The following GTF2A2 variants were observed in gnomAD, a reference collection of about 807,000 sequenced individuals.
GTF2A2 encodes the protein transcription initiation factor IIA subunit 2.
In GTF2A2, 9 loss-of-function variants were observed where a neutral mutation model predicts 14.3. The observed-to-expected ratio is 0.63, with a 90% CI of 0.38 to 1.10. GTF2A2 has a LOEUF of 1.10. Ranked by LOEUF, GTF2A2 falls within the 50% of genes least tolerant of loss-of-function variation. The pLI is 0.01. For synonymous variants in GTF2A2, 56 were observed against 46.0 expected (o/e 1.22, Z -0.88); for missense variants, 90 against 124.6 (o/e 0.72, Z 1.32).
chr15:59,641,909 A>G (rs896370876), intron 4 of GTF2A2, among the ~76,000 whole-genome samples: 1 of 152,242 alleles, frequency 6.6e-6, no homozygotes, highest in Admixed American at 6.5e-5. Flanking sequence ...TATTTTACCC[A>G]CACAAATCCA....
At chr15:59,653,535 G>A (rs1201781953) in intron 1 of GTF2A2, among the ~76,000 whole-genome samples, 1 of 152,012 alleles carries the variant, frequency 6.6e-6, no homozygotes, top group Non-Finnish European at 1.5e-5. Flanking sequence ...TCTTTTGCTG[G>A]TTCCTCCTCA....
rs542821289 is a variant in GTF2A2 at position 59,652,118 on chromosome 15, C to A, written c.72+88G>T. On this transcript the variant is annotated intron_variant, in intron 2 of 4. Coordinates refer to ENST00000396060, the MANE Select transcript of GTF2A2 (RefSeq NM_004492.3). Reference sequence around the variant, plus strand: ...GGGTCAAATAGTCCAAGATATTTTACCTCATATCTCTTTGCCTAAGTGATA... The same window carrying A: ...GGGTCAAATAGTCCAAGATATTTTAACTCATATCTCTTTGCCTAAGTGATA... 15 of 754,516 alleles carry A rather than the reference C, an allele frequency of 2.0e-5. No homozygotes were observed. In the African/African-American group the frequency reaches 2.6e-4, roughly 13 times the overall value. The allele number at this position is 754,516 out of a possible 1,614,324, so 46.7% of individuals were successfully genotyped here.
intron 1 of GTF2A2, among the ~76,000 whole-genome samples, chr15:59,656,646 A>G (rs762397291): frequency 4.6e-5 from 7 of 152,148 alleles, no homozygotes; most frequent in Non-Finnish European, 1.0e-4. Context: ...TGCGTGTGGG[A>G]GGGGAGAGGG....
At chr15:59,647,491 A>G (rs751797049) in intron 3 of GTF2A2, among the ~76,000 whole-genome samples, 17 of 152,328 alleles carry the variant, frequency 1.1e-4, no homozygotes, top group Non-Finnish European at 2.2e-4. Context: ...TATTACTTTT[A>G]ACACTTAATC....
chr15:59,643,204 T>C (rs1014461508), intron 3 of GTF2A2, among the ~76,000 whole-genome samples: 1 of 148,136 alleles, frequency 6.8e-6, no homozygotes, highest in Non-Finnish European at 1.5e-5. Flanking sequence ...CTCAGCCTCC[T>C]GAGTAGCTGG....
intron 2 of GTF2A2, chr15:59,651,744 T>A (rs1179941898): frequency 6.5e-6 from 1 of 152,982 alleles, no homozygotes; most frequent in Non-Finnish European, 1.5e-5. Context: ...TGGAGTACAG[T>A]GGTACCATCA....
chr15:59,657,234 C>T (rs7162964), intron 1 of GTF2A2, 172 bp downstream of exon 1: 104,606 of 152,450 alleles, frequency 0.69, 36,011 homozygotes, highest in African/African-American at 0.73. Context: ...GCCGCCTCGC[C>T]GCCCTTCTCC....
intron 4 of GTF2A2, among the ~76,000 whole-genome samples, chr15:59,641,814 T>C (rs1891437996): frequency 6.6e-6 from 1 of 152,186 alleles, no homozygotes; most frequent in African/African-American, 2.4e-5. Flanking sequence ...TAAAAATTAT[T>C]CCTTAAAGTA....
chr15:59,651,032 C>T (rs1238224858), intron 2 of GTF2A2, among the ~76,000 whole-genome samples: 1 of 152,050 alleles, frequency 6.6e-6, no homozygotes, highest in Admixed American at 6.5e-5. Context: ...GTCAATTTTC[C>T]CTTACAGTGG....
chr15:59,638,429 TG>T lies in GTF2A2; in HGVS notation c.*702del, dbSNP rs1891254250. On this transcript the variant is annotated 3_prime_UTR_variant, in exon 5 of 5. Transcript: ENST00000396060. ...TAATTAGACTTTATTGTAAGTCTAA[TG>T]TATCTTGTACATGATAAAATGTATG... The T allele has an allele frequency of 7.3e-6, 1 of 136,654 alleles. No individual in the cohort carries two copies. The highest frequency in any genetic ancestry group is 7.7e-5 in the Admixed American group (1 of 12,974). 8.5% of individuals were successfully genotyped at this position (136,654 alleles called of 1,614,324 possible).
chr15:59,640,761 G>GA (rs1454691552), intron 4 of GTF2A2, among the ~76,000 whole-genome samples: 3 of 152,052 alleles, frequency 2.0e-5, no homozygotes, highest in African/African-American at 4.8e-5. Context: ...CCTTAAATAT[G>GA]AAAAAAATTG....
At chr15:59,656,957 A>C (rs570305807) in intron 1 of GTF2A2, 1 of 152,220 alleles carries the variant, frequency 6.6e-6, no homozygotes, top group African/African-American at 2.4e-5. Flanking sequence ...TTTTTGATTA[A>C]ACCACCAAGT....
chr15:59,651,925 C>G (rs1891805232), intron 2 of GTF2A2: 2 of 260,898 alleles, frequency 7.7e-6, no homozygotes, highest in East Asian at 1.8e-4. Flanking sequence ...CTCAAGCGAT[C>G]CTTCCACCTT....
At position 59,638,228 on chromosome 15, in the gene GTF2A2, G is replaced by A. The variant is rs912306397; in HGVS notation, c.*904C>T. On this transcript the variant is annotated 3_prime_UTR_variant, in exon 5 of 5. Transcript: ENST00000396060. ...CTAGCCAAAGTTAGTTTTAATGTGA[G>A]AGTCAAGGACTACAGTGGCATGCTG... 9 of 152,110 alleles carry A rather than the reference G, an allele frequency of 5.9e-5. No homozygotes were observed. The highest frequency in any genetic ancestry group is 1.9e-4 in the African/African-American group (8 of 41,392). The allele number at this position is 152,110 out of a possible 1,614,324, so 9.4% of individuals were successfully genotyped here.
intron 1 of GTF2A2, among the ~76,000 whole-genome samples, chr15:59,654,918 T>C (rs970381428): frequency 2.6e-5 from 4 of 152,236 alleles, no homozygotes; most frequent in Admixed American, 6.5e-5. Flanking sequence ...CCAAAGAGCA[T>C]TTCCTTTCAG....
rs369082085 is a variant in GTF2A2 at position 59,657,423 on chromosome 15, C to G, written c.-67G>C. 1 of 152,428 alleles carries G rather than the reference C, an allele frequency of 6.6e-6. No individual in the cohort carries two copies. The highest frequency in any genetic ancestry group is 2.4e-5 in the African/African-American group (1 of 41,472). 9.4% of individuals were successfully genotyped at this position (152,428 alleles called of 1,614,324 possible). A position where few individuals can be genotyped will look rare whatever the true frequency, so the allele number is the denominator to read the frequency against. ...CCCACTACCTGTGGGGAAGGCGCTT[C>G]CCTCCGCGGAGCGGACAGAAGCCGC... On this transcript the variant is annotated 5_prime_UTR_variant, in exon 1 of 5. Transcript: ENST00000396060.
intron 3 of GTF2A2, among the ~76,000 whole-genome samples, chr15:59,642,838 C>T (rs1448324825): frequency 6.6e-6 from 1 of 152,024 alleles, no homozygotes; most frequent in African/African-American, 2.4e-5. Flanking sequence ...GCGATCTTGG[C>T]TCACTGCAAC....
chr15:59,639,113 A>AAAGTCATATTTTT lies in GTF2A2; in HGVS notation c.*6_*18dup, dbSNP rs1294703896. On this transcript the variant is annotated 3_prime_UTR_variant, in exon 5 of 5. Coordinates refer to ENST00000396060, the MANE Select transcript of GTF2A2 (RefSeq NM_004492.3). ...AATGAATAACAGAAGATGGTGTAAAAAAGTCATATTTTTTCTATTCATTCT... is the reference window on the plus strand; with the variant it reads ...AATGAATAACAGAAGATGGTGTAAAAAAGTCATATTTTTAAGTCATATTTTTTCTATTCATTCT... The AAAGTCATATTTTT allele has an allele frequency of 3.6e-6, 5 of 1,373,130 alleles. No individual in the cohort carries two copies. The highest frequency in any genetic ancestry group is 1.9e-4 in the Middle Eastern group (1 of 5,212). 85.1% of individuals were successfully genotyped at this position (1,373,130 alleles called of 1,614,324 possible).
Position 59,638,949 on chromosome 15 carries a change from T to A in GTF2A2, c.*183A>T. Reference sequence around the variant, plus strand: ...CTTAAAAAAAAGTTATGGTTTTTCATGCTGTATAATAAAGGTGATGTAAGA... The same window carrying A: ...CTTAAAAAAAAGTTATGGTTTTTCAAGCTGTATAATAAAGGTGATGTAAGA... On this transcript the variant is annotated 3_prime_UTR_variant, in exon 5 of 5. Transcript: ENST00000396060. 3 of 525,546 alleles carry A rather than the reference T, an allele frequency of 5.7e-6. No individual in the cohort carries two copies. The highest frequency in any genetic ancestry group is 6.9e-6 in the Non-Finnish European group (2 of 288,268). The allele number at this position is 525,546 out of a possible 1,614,324, so 32.6% of individuals were successfully genotyped here. A position where few individuals can be genotyped will look rare whatever the true frequency, so the allele number is the denominator to read the frequency against.
Sources: gnomAD v4.1 joint callset for allele counts (sites outside exome capture counted in the v4.1 genomes callset) on GRCh38, gnomAD v4.1.1 for gene constraint, MANE v1.5 for transcripts, NCBI Gene and HGNC (gene_info 2026-07-23, HGNC 2026-07-21) for gene names.